TRAPPC9: variants seen among roughly 807,000 people sequenced by gnomAD.
TRAPPC9 encodes IKK2 binding protein.
Under a neutral mutation model 124.0 loss-of-function variants are expected in TRAPPC9, and 83 were observed. The ratio of observed to expected loss-of-function variants is 0.67; its 90% confidence interval spans 0.56 to 0.80. TRAPPC9 has a LOEUF of 0.80. Ranked by LOEUF, TRAPPC9 falls within the 30% of genes least tolerant of loss-of-function variation. The pLI, the probability that TRAPPC9 is intolerant of heterozygous loss-of-function variation, is 0.00. For missense variants in TRAPPC9, 1,302 were observed against 1,508.3 expected (o/e 0.86, Z 2.27); for synonymous variants, 638 against 617.5 (o/e 1.03, Z -0.49).
chr8:140,379,356 C>T (rs1446189432), intron 7 of TRAPPC9, among the ~76,000 whole-genome samples: 3 of 152,120 alleles, frequency 2.0e-5, no homozygotes, highest in African/African-American at 4.8e-5. Flanking sequence ...TATTTATGTG[C>T]GACCGTGGGT....
chr8:140,355,511 A>G (rs1341158537), intron 9 of TRAPPC9, among the ~76,000 whole-genome samples: 2 of 152,198 alleles, frequency 1.3e-5, no homozygotes, highest in African/African-American at 2.4e-5. Flanking sequence ...GACTAATTCA[A>G]ACTCAGATTT....
intron 21 of TRAPPC9, among the ~76,000 whole-genome samples, chr8:139,880,288 C>G (rs917580923): frequency 1.3e-4 from 20 of 152,148 alleles, no homozygotes; most frequent in Non-Finnish European, 2.5e-4. Context: ...ATGCCAAGGG[C>G]CTCTTAAGTG....
intron 8 of TRAPPC9, among the ~76,000 whole-genome samples, chr8:140,364,601 G>A (rs373101972): frequency 6.6e-6 from 1 of 150,570 alleles, no homozygotes; most frequent in African/African-American, 2.4e-5. Flanking sequence ...TTTTTTTTTC[G>A]AGACGGAGTC....
chr8:140,010,379 A>C (rs1839041834), intron 18 of TRAPPC9, among the ~76,000 whole-genome samples: 2 of 152,240 alleles, frequency 1.3e-5, no homozygotes, highest in African/African-American at 4.8e-5. Flanking sequence ...GCCAATAAGA[A>C]CAAAATAATT....
chr8:140,261,795 A>G (rs1183298208), intron 15 of TRAPPC9, among the ~76,000 whole-genome samples: 1 of 152,162 alleles, frequency 6.6e-6, no homozygotes, highest in Non-Finnish European at 1.5e-5. Flanking sequence ...GCTTCCCCAT[A>G]GTCATGGCTG....
At chr8:140,306,928 G>T (rs996470207) in intron 10 of TRAPPC9, among the ~76,000 whole-genome samples, 1 of 152,160 alleles carries the variant, frequency 6.6e-6, no homozygotes, top group African/African-American at 2.4e-5. Flanking sequence ...GGCCTTGGGT[G>T]TCATTTGCTA....
chr8:140,302,343 A>G (rs12156194), intron 10 of TRAPPC9, among the ~76,000 whole-genome samples: 46,800 of 152,090 alleles, frequency 0.31, 7,524 homozygotes, highest in Middle Eastern at 0.4. Flanking sequence ...TTATGCCTTT[A>G]TCATAGCGGA....
Position 140,063,370 on chromosome 8 carries a change from G to C in TRAPPC9, c.2557-39291C>G, listed in dbSNP as rs539968244. Among the ~76,000 whole-genome samples, 1 of 152,128 alleles carries C rather than the reference G, an allele frequency of 6.6e-6. No individual in the cohort carries two copies. Among genetic ancestry groups the C allele is most frequent in the Non-Finnish European group, 1.5e-5 (1 of 68,034 alleles). On this transcript the variant is annotated intron_variant, in intron 17 of 22. Transcript: ENST00000438773. This position sits in a 1 kb window ranked among gnomAD's most constrained non-coding sequence, Gnocchi z 4.3. The stretch of plus-strand genomic sequence containing the variant: ...CAGTCAATTCTCACGTACCTTTCAC[G>C]AGCCAGGTAACACGGTACTCACTTT...
intron 17 of TRAPPC9, among the ~76,000 whole-genome samples, chr8:140,060,093 A>G (rs906997707): frequency 6.6e-6 from 1 of 152,164 alleles, no homozygotes; most frequent in African/African-American, 2.4e-5. Context: ...AAAGAGTGTC[A>G]GGTCTCCTTT....
At chr8:139,827,136 G>A (rs535470536) in intron 21 of TRAPPC9, among the ~76,000 whole-genome samples, 113 of 152,286 alleles carry the variant, frequency 7.4e-4, no homozygotes, top group African/African-American at 2.6e-3. Context: ...GAAGGCACTT[G>A]CCCCACAGCT....
At chr8:140,008,732 T>C (rs188502447) in intron 18 of TRAPPC9, 2 of 152,366 alleles carry the variant, frequency 1.3e-5, no homozygotes, top group South Asian at 2.1e-4. Context: ...GATGCCTCAT[T>C]ATAGATACAG....
At chr8:139,922,344 C>T (rs924652507) in intron 19 of TRAPPC9, among the ~76,000 whole-genome samples, 3 of 152,134 alleles carry the variant, frequency 2.0e-5, no homozygotes. Flanking sequence ...CCACCACACC[C>T]GGCTACTTTT....
intron 17 of TRAPPC9, among the ~76,000 whole-genome samples, chr8:140,213,585 A>C (rs573043793): frequency 6.7e-6 from 1 of 149,734 alleles, no homozygotes; most frequent in South Asian, 2.1e-4. Flanking sequence ...TTTAATCTAC[A>C]TTTTTTTTTT....
intron 16 of TRAPPC9, among the ~76,000 whole-genome samples, chr8:140,246,222 T>A (rs2063983899): frequency 6.6e-6 from 1 of 152,206 alleles, no homozygotes; most frequent in Non-Finnish European, 1.5e-5. Context: ...CAACACAACC[T>A]CAATGCTCTC....
intron 16 of TRAPPC9, among the ~76,000 whole-genome samples, chr8:140,247,366 A>G (rs950518571): frequency 6.6e-6 from 1 of 152,192 alleles, no homozygotes; most frequent in African/African-American, 2.4e-5. Context: ...ATGCTATTCT[A>G]TTGGCTTCTG....
At chr8:139,756,449 A>G (rs1347329358) in intron 21 of TRAPPC9, among the ~76,000 whole-genome samples, 6 of 125,512 alleles carry the variant, frequency 4.8e-5, no homozygotes, top group South Asian at 2.9e-4. Context: ...TGAGGACAGC[A>G]GGTCGCAGAA....
At chr8:140,418,639 T>C (rs540328122) in intron 5 of TRAPPC9, among the ~76,000 whole-genome samples, 1 of 152,190 alleles carries the variant, frequency 6.6e-6, no homozygotes, top group South Asian at 2.1e-4. Context: ...TAGAATCGCT[T>C]GAACCTGGGA....
intron 9 of TRAPPC9, among the ~76,000 whole-genome samples, chr8:140,343,361 A>C (rs1407374979): frequency 6.6e-6 from 1 of 152,238 alleles, no homozygotes; most frequent in Non-Finnish European, 1.5e-5. Flanking sequence ...TGTTTCACTA[A>C]ATCTTTAACC....
chr8:139,977,253 C>G (rs1414670655), intron 19 of TRAPPC9, among the ~76,000 whole-genome samples: 1 of 152,030 alleles, frequency 6.6e-6, no homozygotes, highest in Non-Finnish European at 1.5e-5. Context: ...AATGAAACGG[C>G]CCCATCACAG....
Sources: allele counts gnomAD v4.1 joint callset (sites outside exome capture counted in the v4.1 genomes callset), GRCh38; gene constraint gnomAD v4.1.1; non-coding constraint Gnocchi (gnomAD v3.1); transcripts MANE v1.5; gene names NCBI Gene and HGNC (gene_info 2026-07-23, HGNC 2026-07-21).